The following OTOGL variants were observed in gnomAD, a reference collection of about 807,000 sequenced individuals.
OTOGL encodes the protein otogelin like, also known as otogelin-like protein.
Under a neutral mutation model 318.5 loss-of-function variants are expected in OTOGL, and 285 were observed. The ratio of observed to expected loss-of-function variants is 0.89; its 90% CI spans 0.81 to 0.99. The LOEUF (loss-of-function observed/expected upper bound fraction) is 0.99. Among genes scored for constraint, OTOGL ranks in the 50% least tolerant of loss-of-function variants. The pLI, the probability that OTOGL is intolerant of heterozygous loss-of-function variation, is 0.00. For synonymous variants in OTOGL, 987 were observed against 936.5 expected, an observed-to-expected ratio of 1.05 and a Z score of -0.99; for missense variants, 2,899 against 2,845.6, an observed-to-expected ratio of 1.02 and a Z score of -0.43.
chr12:80,152,906 C>A (rs1215713775), intron 1 of OTOGL, among the ~76,000 whole-genome samples: 1 of 152,174 alleles, frequency 6.6e-6, no homozygotes, highest in African/African-American at 2.4e-5. Context: ...GTTGGCCAGG[C>A]AGGTGCCAAT....
At chr12:80,348,302 G>A (rs182479395) in intron 44 of OTOGL, among the ~76,000 whole-genome samples, 1 of 152,104 alleles carries the variant, frequency 6.6e-6, no homozygotes, top group Admixed American at 6.6e-5. Context: ...TTTATATAAG[G>A]TGTAAGGAGG....
chr12:80,233,043 G>C lies in OTOGL; in HGVS notation c.763G>C (p.Gly255Arg), dbSNP rs374308472. The change falls in exon 9 of 59, where the codon GGC (glycine) becomes CGC (arginine). Residue 255 changes from glycine (G) to arginine (R), a missense_variant. By Grantham distance (125) the Gly-to-Arg change is moderately radical. This residue lies in a region of OTOGL where 2,607 missense variants were observed against 2,524.9 expected (regional missense o/e 1.03). Transcript: ENST00000547103. ...TGAGGACCATAAGGGGAAATCATGT[G>C]GCCTATGTGGAAACTACAATGACAT... is the stretch of plus-strand genomic sequence containing the variant. ...LSEDHKGKSC[G>R]LCGNYNDIQS... The C allele has an allele frequency of 1.3e-6, 2 of 1,598,358 alleles. No individual in the cohort carries two copies. Among genetic ancestry groups the C allele is most frequent in the African/African-American group, 2.7e-5 (2 of 74,878 alleles).
intron 1 of OTOGL, among the ~76,000 whole-genome samples, chr12:80,130,446 A>G (rs1472308910): frequency 2.0e-5 from 3 of 152,224 alleles, no homozygotes; most frequent in African/African-American, 2.4e-5. Context: ...AATGGAGCCA[A>G]TGAAAGAATG....
intron 29 of OTOGL, 131 bp downstream of exon 29, chr12:80,305,826 A>T (rs1453266039): frequency 1.3e-6 from 1 of 767,024 alleles, no homozygotes; most frequent in African/African-American, 1.8e-5. Flanking sequence ...GCTGATAAAC[A>T]TTCATATTTA....
chr12:80,169,142 GAT>G (rs1874022745), intron 1 of OTOGL, among the ~76,000 whole-genome samples: 1 of 152,152 alleles, frequency 6.6e-6, no homozygotes, highest in Admixed American at 6.5e-5. Context: ...CTTTGCAGAA[GAT>G]ACTACTATTG....
At chr12:80,248,308 G>C (rs1398986993) in intron 11 of OTOGL, among the ~76,000 whole-genome samples, 1 of 147,038 alleles carries the variant, frequency 6.8e-6, no homozygotes, top group Non-Finnish European at 1.5e-5. Flanking sequence ...GGTACCAGTT[G>C]TTCCTTTCCA....
chr12:80,250,137 C>T (rs989116310), intron 11 of OTOGL, among the ~76,000 whole-genome samples: 2 of 152,158 alleles, frequency 1.3e-5, no homozygotes, highest in Non-Finnish European at 2.9e-5. Flanking sequence ...GTGTCGCTCA[C>T]GCTGGGAGCT....
chr12:80,375,279 C>A (rs1003309278), intron 57 of OTOGL, among the ~76,000 whole-genome samples: 2 of 152,116 alleles, frequency 1.3e-5, no homozygotes, highest in Non-Finnish European at 2.9e-5. Flanking sequence ...TACAAACAAA[C>A]TCAGCTAATG....
chr12:80,323,983 C>G, intron 35 of OTOGL, 143 bp downstream of exon 35: 1 of 673,594 alleles, frequency 1.5e-6, no homozygotes, highest in South Asian at 2.0e-5. Flanking sequence ...TCGCTTAAAT[C>G]AAGAAGTAGT....
intron 27 of OTOGL, among the ~76,000 whole-genome samples, chr12:80,297,924 C>G (rs1885518380): frequency 1.3e-5 from 2 of 152,182 alleles, no homozygotes; most frequent in Admixed American, 1.3e-4. Context: ...TACCCTTAAG[C>G]ACCCTGTTAG....
intron 44 of OTOGL, among the ~76,000 whole-genome samples, chr12:80,351,043 G>C (rs879708145): frequency 2.0e-5 from 3 of 152,158 alleles, no homozygotes; most frequent in Non-Finnish European, 4.4e-5. Context: ...AGGTCCTACA[G>C]TTAAGTCTTA....
chr12:80,269,990 T>C (rs1883279670), intron 22 of OTOGL, 112 bp from the exon 23 acceptor site: 1 of 878,422 alleles, frequency 1.1e-6, no homozygotes, highest in East Asian at 2.7e-5. Flanking sequence ...AAAAATAACA[T>C]TTGTATAATG....
intron 1 of OTOGL, among the ~76,000 whole-genome samples, chr12:80,103,496 A>G (rs1869268697): frequency 6.6e-6 from 1 of 152,188 alleles, no homozygotes; most frequent in South Asian, 2.1e-4. Flanking sequence ...CAGCTCAAAT[A>G]TCACTTTCTT....
intron 44 of OTOGL, among the ~76,000 whole-genome samples, chr12:80,345,458 C>T (rs1421428438): frequency 1.3e-5 from 2 of 151,544 alleles, no homozygotes; most frequent in African/African-American, 4.8e-5. Context: ...GCTGGTCTCA[C>T]ACTCCTGACC....
chr12:80,202,044 A>G (rs897097374), intron 1 of OTOGL, among the ~76,000 whole-genome samples: 1 of 152,150 alleles, frequency 6.6e-6, no homozygotes, highest in Non-Finnish European at 1.5e-5. Flanking sequence ...ATCCTGTCAG[A>G]ACTTCCCTGT....
chr12:80,154,824 G>A (rs939212163), intron 1 of OTOGL, among the ~76,000 whole-genome samples: 7 of 152,168 alleles, frequency 4.6e-5, no homozygotes, highest in African/African-American at 1.7e-4. Flanking sequence ...GGATCATATA[G>A]TAAGAATATG....
chr12:80,368,125 G>A, intron 54 of OTOGL, 80 bp from the exon 55 acceptor site: 4 of 1,056,190 alleles, frequency 3.8e-6, no homozygotes, highest in South Asian at 1.6e-5. Context: ...TTGTAGTTAT[G>A]TTTGGAAGAA....
In OTOGL at chr12:80,256,356, T is replaced by A; in HGVS notation, c.1607T>A (p.Leu536His). The A allele has an allele frequency of 6.3e-7, 1 of 1,596,122 alleles. No individual in the cohort carries two copies. The highest frequency in any genetic ancestry group is 8.5e-7 in the Non-Finnish European group (1 of 1,177,468). ...PCEQNLGLVC[L>H]QSITLILEDD... Reference sequence around the variant, plus strand: ...ACGCAGAATCTTGGCTTGGTCTGCCTTCAGTCTATAACTCTGATTCTGGAG... The same window carrying A: ...ACGCAGAATCTTGGCTTGGTCTGCCATCAGTCTATAACTCTGATTCTGGAG... Residue 536 changes from leucine (L) to histidine (H), a missense_variant, in exon 17 of 59, where the codon CTT becomes CAT. Physicochemically the swap from Leu to His is moderately conservative, Grantham distance 99. Around this residue, in one of 3 missense-constraint regions of OTOGL, gnomAD observed 2,607 missense variants for 2,524.9 expected, o/e 1.03. Coordinates refer to ENST00000547103, the MANE Select transcript of OTOGL (RefSeq NM_001378609.3).
intron 19 of OTOGL, among the ~76,000 whole-genome samples, chr12:80,262,763 A>T (rs1346981367): frequency 6.6e-6 from 1 of 152,224 alleles, no homozygotes; most frequent in Non-Finnish European, 1.5e-5. Context: ...GAAGATACAC[A>T]TGTATATATT....
Sources: allele counts gnomAD v4.1 joint callset (sites outside exome capture counted in the v4.1 genomes callset), GRCh38; gene constraint gnomAD v4.1.1; regional missense constraint gnomAD v4.1.1; transcripts MANE v1.5; gene names NCBI Gene and HGNC (gene_info 2026-07-23, HGNC 2026-07-21).